The following FAM135A variants were observed in gnomAD, a reference collection of about 807,000 sequenced individuals.
FAM135A encodes family with sequence similarity 135 member A, also known as protein FAM135A.
In FAM135A, 79 loss-of-function variants were observed where a neutral mutation model predicts 146.8. The observed-to-expected ratio is 0.54, with a 90% CI of 0.45 to 0.65. The LOEUF (loss-of-function observed/expected upper bound fraction) is 0.65, where lower values mean the gene tolerates loss of function less well. FAM135A is among the 30% of genes least tolerant of loss of function. The probability of loss-of-function intolerance (pLI) is 0.00; values close to 1 mark genes in which losing one functional copy is unlikely to be tolerated. For missense variants in FAM135A, 1,623 were observed against 1,758.2 expected, an observed-to-expected ratio of 0.92 and a Z score of 1.38; for synonymous variants, 562 against 603.6, an observed-to-expected ratio of 0.93 and a Z score of 1.01.
At chr6:70,417,067 A>T (rs1581945200) in intron 2 of FAM135A, among the ~76,000 whole-genome samples, 1 of 152,266 alleles carries the variant, frequency 6.6e-6, no homozygotes, top group East Asian at 1.9e-4. Context: ...GACATCTCCT[A>T]CTTGAGTAAC....
chr6:70,560,060 T>A lies in FAM135A; in HGVS notation c.*139T>A. ...TATGGAAGATAATTTATATCATCCA[T>A]GTTTAGTGCTTTTTAAACATCAACT... On this transcript the variant is annotated 3_prime_UTR_variant, in exon 22 of 22. Transcript: ENST00000418814. 1 of 658,910 alleles carries A rather than the reference T, an allele frequency of 1.5e-6. No homozygotes were observed. Among genetic ancestry groups the A allele is most frequent in the Non-Finnish European group, 2.4e-6 (1 of 414,528 alleles). 40.8% of individuals were successfully genotyped at this position (658,910 alleles called of 1,614,324 possible).
intron 1 of FAM135A, among the ~76,000 whole-genome samples, chr6:70,414,173 C>G (rs1766969451): frequency 6.6e-6 from 1 of 152,170 alleles, no homozygotes. Flanking sequence ...TTGCCTGGCT[C>G]TTCCCTGTCC....
intron 12 of FAM135A, among the ~76,000 whole-genome samples, chr6:70,509,840 C>G (rs1413402915): frequency 6.6e-6 from 1 of 152,180 alleles, no homozygotes; most frequent in Non-Finnish European, 1.5e-5. Context: ...TCATCTCTTT[C>G]CCATGAATTT....
rs1411148737 is a variant in FAM135A at position 70,526,577 on chromosome 6, A to G, written c.3493A>G (p.Asn1165Asp). 6.2e-7 allele frequency: 1 copy of G among 1,613,662 alleles called. No individual in the cohort carries two copies. The highest frequency in any genetic ancestry group is 1.7e-5 in the Admixed American group (1 of 59,986). Residue 1165 changes from asparagine (N) to aspartate (D), a missense_variant, in exon 15 of 22, where the codon AAT becomes GAT. By Grantham distance (23) the Asn-to-Asp change is conservative. Transcript: ENST00000418814. ...FPSAPRESPC[N>D]VKYSSKSKFD... ...GTCTGCACCACGAGAGTCTCCTTGTAATGTTAAATATTCTTCCAAAAGTAA... is the reference window on the plus strand; with the variant it reads ...GTCTGCACCACGAGAGTCTCCTTGTGATGTTAAATATTCTTCCAAAAGTAA...
chr6:70,484,887 G>C (rs1452658526), intron 10 of FAM135A, among the ~76,000 whole-genome samples: 1 of 152,118 alleles, frequency 6.6e-6, no homozygotes, highest in African/African-American at 2.4e-5. Flanking sequence ...GTATTCATAA[G>C]ATTTTCAACT....
chr6:70,483,933 A>C (rs920692562), intron 10 of FAM135A, among the ~76,000 whole-genome samples: 1 of 152,216 alleles, frequency 6.6e-6, no homozygotes, highest in Non-Finnish European at 1.5e-5. Flanking sequence ...TGAGCCTACA[A>C]ACACAAAGTG....
At position 70,546,431 on chromosome 6, in the gene FAM135A, G is replaced by A. The variant is rs141029367; in HGVS notation, c.4228+8030G>A. Among the ~76,000 whole-genome samples the A allele has an allele frequency of 6.8e-3, 1,040 of 152,098 alleles. 10 individuals are homozygous for A. Among genetic ancestry groups the A allele is most frequent in the African/African-American group, 0.024 (1,001 of 41,526 alleles). On this transcript the variant is annotated intron_variant, in intron 20 of 21. Coordinates refer to ENST00000418814, the MANE Select transcript of FAM135A (RefSeq NM_001162529.3). ...TCAAAATCCAGCCATTTGCCCTTTT[G>A]CCTTTTTTATTTAAGCAAAGCCTCT...
intron 20 of FAM135A, among the ~76,000 whole-genome samples, chr6:70,541,288 C>A (rs969491652): frequency 1.3e-5 from 2 of 151,948 alleles, no homozygotes; most frequent in African/African-American, 4.8e-5. Context: ...AGGGTTGAAC[C>A]TTTTGAAAGA....
chr6:70,456,097 G>A (rs572372673), intron 5 of FAM135A, among the ~76,000 whole-genome samples: 8 of 152,280 alleles, frequency 5.3e-5, no homozygotes, highest in Non-Finnish European at 7.4e-5. Context: ...TGGTCCACCC[G>A]CCTCGGCTGC....
intron 12 of FAM135A, among the ~76,000 whole-genome samples, chr6:70,508,670 A>T (rs997440251): frequency 2.0e-5 from 3 of 152,154 alleles, no homozygotes; most frequent in Admixed American, 6.6e-5. Context: ...CAGAGACATG[A>T]TGGTTACATC....
At chr6:70,497,808 A>T (rs573781960) in intron 11 of FAM135A, among the ~76,000 whole-genome samples, 1 of 152,208 alleles carries the variant, frequency 6.6e-6, no homozygotes, top group Non-Finnish European at 1.5e-5. Flanking sequence ...CCAGCCTTGC[A>T]TCTCAGGGAT....
intron 11 of FAM135A, among the ~76,000 whole-genome samples, chr6:70,499,521 T>C (rs910739181): frequency 6.6e-6 from 1 of 152,238 alleles, no homozygotes; most frequent in Non-Finnish European, 1.5e-5. Context: ...GATCTTGTCA[T>C]CATGATACTA....
chr6:70,491,019 CTT>C lies in FAM135A; in HGVS notation c.824-13_824-12del. The C allele has an allele frequency of 1.3e-6, 2 of 1,576,372 alleles. No individual in the cohort carries two copies. The highest frequency in any genetic ancestry group is 1.8e-5 in the Admixed American group (1 of 56,046). On this transcript the variant is annotated splice_polypyrimidine_tract_variant and intron_variant, in intron 10 of 21. Transcript: ENST00000418814. Reference sequence around the variant, plus strand: ...CTAACATTGGAATATTTCCTCTACTCTTTACTCCTTCCAGAGGAAATGGATGT... The same window carrying C: ...CTAACATTGGAATATTTCCTCTACTCTACTCCTTCCAGAGGAAATGGATGT...
At chr6:70,414,007 C>T (rs866492261) in intron 1 of FAM135A, 72 of 985,612 alleles carry the variant, frequency 7.3e-5, no homozygotes, top group Non-Finnish European at 8.3e-5. Context: ...AACCTCGCGC[C>T]TAGCGTGTTT....
At chr6:70,496,174 AGTG>A (rs1787198528) in intron 11 of FAM135A, among the ~76,000 whole-genome samples, 1 of 152,102 alleles carries the variant, frequency 6.6e-6, no homozygotes, top group African/African-American at 2.4e-5. Flanking sequence ...TGCTGGGTCA[AGTG>A]GTATTTCTGG....
At chr6:70,457,987 T>A (rs1477675906) in intron 5 of FAM135A, among the ~76,000 whole-genome samples, 1 of 152,142 alleles carries the variant, frequency 6.6e-6, no homozygotes, top group East Asian at 1.9e-4. Context: ...TCTGATAGTT[T>A]ACTAGTATAT....
chr6:70,484,759 T>A (rs1784318426), intron 10 of FAM135A, among the ~76,000 whole-genome samples: 2 of 152,210 alleles, frequency 1.3e-5, no homozygotes, highest in Non-Finnish European at 2.9e-5. Context: ...GCTGCTCACC[T>A]CCTGCTGTGC....
Position 70,525,106 on chromosome 6 carries a change from C to A in FAM135A, c.2022C>A (p.Val674=). Residue 674 remains valine (V), a synonymous_variant, in exon 15 of 22, where the codon GTC becomes GTA. Transcript: ENST00000418814. The stretch of plus-strand genomic sequence containing the variant: ...CTTTCAGTGGAGAGAATATAACTGT[C>A]AAACTAGGACCTTGGACAGAGCTTC... ...KDPFSGENIT[V]KLGPWTELRQ... is the part of the protein sequence containing the mutation. 3 of 1,562,974 alleles carry A rather than the reference C, an allele frequency of 1.9e-6. No individual in the cohort carries two copies. In the South Asian group the frequency reaches 3.7e-5, roughly 19 times the overall value.
At chr6:70,504,078 A>G (rs1312751489) in intron 12 of FAM135A, 1 of 152,190 alleles carries the variant, frequency 6.6e-6, no homozygotes, top group Non-Finnish European at 1.5e-5. Context: ...TCAGAGTTGT[A>G]CCAATTTTTA....
Sources: gnomAD v4.1 joint callset for allele counts (sites outside exome capture counted in the v4.1 genomes callset) on GRCh38, gnomAD v4.1.1 for gene constraint, MANE v1.5 for transcripts, NCBI Gene and HGNC (gene_info 2026-07-23, HGNC 2026-07-21) for gene names.